EPB41L5: variants seen among roughly 807,000 people sequenced by gnomAD.
The protein encoded by EPB41L5 is band 4.1-like protein 5.
EPB41L5 carries 55 observed loss-of-function variants against 106.6 expected under a neutral mutation model. That is an observed-to-expected ratio of 0.52 (90% CI 0.42 to 0.65). The LOEUF (loss-of-function observed/expected upper bound fraction) is 0.65. Among genes scored for constraint, EPB41L5 ranks in the 30% least tolerant of loss-of-function variants. EPB41L5 has a pLI of 0.00. For missense variants in EPB41L5, 871 were observed against 882.1 expected (o/e 0.99, Z 0.16); for synonymous variants, 297 against 306.7 (o/e 0.97, Z 0.33).
At chr2:120,155,840 A>G (rs1686877236) in intron 20 of EPB41L5, among the ~76,000 whole-genome samples, 1 of 151,178 alleles carries the variant, frequency 6.6e-6, no homozygotes. Context: ...GGCAGCCTCC[A>G]TGGGGCTTCC....
At chr2:120,081,048 A>G (rs1379729610) in intron 10 of EPB41L5, among the ~76,000 whole-genome samples, 1 of 150,966 alleles carries the variant, frequency 6.6e-6, no homozygotes, top group African/African-American at 2.4e-5. Flanking sequence ...CTTTTCTCTC[A>G]TTCTGTAGGT....
chr2:120,088,175 A>G (rs1470653963), intron 11 of EPB41L5, among the ~76,000 whole-genome samples: 1 of 152,092 alleles, frequency 6.6e-6, no homozygotes, highest in Non-Finnish European at 1.5e-5. Flanking sequence ...TTTTGAATCC[A>G]GTTCTTTCAT....
intron 4 of EPB41L5, 69 bp downstream of exon 4, chr2:120,073,289 T>G: frequency 7.8e-7 from 1 of 1,284,238 alleles, no homozygotes; most frequent in Non-Finnish European, 1.1e-6. Flanking sequence ...TGATTTCTAA[T>G]AGGATGTAAG....
At chr2:120,026,965 CATCATA>C (rs1415351840) in intron 2 of EPB41L5, among the ~76,000 whole-genome samples, 1 of 152,188 alleles carries the variant, frequency 6.6e-6, no homozygotes, top group Non-Finnish European at 1.5e-5. Context: ...AGAAGCTCAA[CATCATA>C]AGTCATCACA....
At chr2:120,050,759 C>T (rs1680196148) in intron 3 of EPB41L5, among the ~76,000 whole-genome samples, 1 of 152,220 alleles carries the variant, frequency 6.6e-6, no homozygotes, top group Non-Finnish European at 1.5e-5. Flanking sequence ...TTTGGCTTTT[C>T]TGCTCTGGTT....
chr2:120,160,926 T>C lies in EPB41L5; in HGVS notation c.1839T>C (p.Leu613=). 6.2e-7 allele frequency: 1 copy of C among 1,613,700 alleles called. No individual in the cohort carries two copies. The highest frequency in any genetic ancestry group is 8.5e-7 in the Non-Finnish European group (1 of 1,179,600). Residue 613 remains leucine (L), a synonymous_variant, in exon 21 of 25, where the codon CTT becomes CTC. Transcript: ENST00000263713. ...ENNVPLPKES[L]ETLMLITPAD... ...ATGTGCCCCTCCCCAAAGAGTCTCT[T>C]GAGACTCTGATGCTTATCACACCTG...
intron 16 of EPB41L5, among the ~76,000 whole-genome samples, chr2:120,126,405 T>C (rs1685461999): frequency 6.6e-6 from 1 of 152,186 alleles, no homozygotes; most frequent in Admixed American, 6.5e-5. Flanking sequence ...TTTTCTTCTA[T>C]ATTTGTTCTA....
intron 20 of EPB41L5, among the ~76,000 whole-genome samples, chr2:120,155,508 T>C (rs1449331436): frequency 1.3e-5 from 2 of 152,198 alleles, no homozygotes; most frequent in African/African-American, 2.4e-5. Context: ...GTGGAGTTCA[T>C]TGAGCTTCTT....
chr2:120,140,725 A>G (rs186677025), intron 18 of EPB41L5, among the ~76,000 whole-genome samples: 83 of 152,164 alleles, frequency 5.5e-4, no homozygotes, highest in South Asian at 2.1e-4. Context: ...AAAATACAAA[A>G]TCTGAAATAC....
chr2:120,091,769 C>G (rs1683427726), intron 13 of EPB41L5, 108 bp downstream of exon 13: 8 of 784,858 alleles, frequency 1.0e-5, no homozygotes, highest in South Asian at 1.9e-5. Context: ...CAGGTCTGTT[C>G]CAGTCAACTA....
At chr2:120,110,941 C>A (rs1470671188) in intron 16 of EPB41L5, among the ~76,000 whole-genome samples, 2 of 152,086 alleles carry the variant, frequency 1.3e-5, no homozygotes, top group Admixed American at 6.5e-5. Flanking sequence ...CGCTCCTGGC[C>A]CCCTGTTGTT....
intron 3 of EPB41L5, among the ~76,000 whole-genome samples, chr2:120,053,969 G>T (rs1680457731): frequency 6.6e-6 from 1 of 152,156 alleles, no homozygotes; most frequent in Non-Finnish European, 1.5e-5. Flanking sequence ...GCTCAGGTAG[G>T]AGGATTGCTT....
intron 16 of EPB41L5, chr2:120,106,936 G>C (rs1436796624): frequency 1.1e-6 from 1 of 931,858 alleles, no homozygotes; most frequent in East Asian, 1.2e-4. Flanking sequence ...TAATATGTCT[G>C]TTTTGAAAAG....
At chr2:120,039,432 T>C (rs965286938) in intron 2 of EPB41L5, among the ~76,000 whole-genome samples, 2 of 152,042 alleles carry the variant, frequency 1.3e-5, no homozygotes, top group Admixed American at 1.3e-4. Context: ...AAATGGCAAA[T>C]TGTGTTATAC....
Position 120,077,280 on chromosome 2 carries a change from G to A in EPB41L5, c.678G>A (p.Trp226Ter). Residue 226 changes from tryptophan (W) to a stop codon, truncating the protein, a stop_gained, in exon 9 of 25, where the codon TGG becomes TGA. Transcript: ENST00000263713. LOFTEE classifies it high-confidence loss of function. ...AETNYLNKAK[W>*]LEMYGVDMHV... is the part of the protein sequence containing the mutation. ...CCAATTATCTGAATAAAGCCAAATGGCTAGAAATGTATGGGGTTGATATGC... is the reference window on the plus strand; with the variant it reads ...CCAATTATCTGAATAAAGCCAAATGACTAGAAATGTATGGGGTTGATATGC... The A allele has an allele frequency of 6.2e-7, 1 of 1,612,126 alleles. No homozygotes were observed. The highest frequency in any genetic ancestry group is 8.5e-7 in the Non-Finnish European group (1 of 1,178,778).
At chr2:120,105,975 C>CT in intron 16 of EPB41L5, 1 of 985,344 alleles carries the variant, frequency 1.0e-6, no homozygotes, top group Non-Finnish European at 1.2e-6. Context: ...TAAGATTTGA[C>CT]TTCACTCACT....
chr2:120,137,757 T>C (rs1685990666), intron 18 of EPB41L5, among the ~76,000 whole-genome samples: 1 of 152,124 alleles, frequency 6.6e-6, no homozygotes, highest in Non-Finnish European at 1.5e-5. Context: ...GCTTCACTGC[T>C]GAATTTTACC....
chr2:120,088,572 T>C (rs551835139), intron 11 of EPB41L5, among the ~76,000 whole-genome samples: 113 of 152,280 alleles, frequency 7.4e-4, no homozygotes, highest in Admixed American at 4.5e-3. Flanking sequence ...AACCTTCTCT[T>C]GTACCCCAAA....
Position 120,143,113 on chromosome 2 carries a change from A to G in EPB41L5, c.1710A>G (p.Gln570=), listed in dbSNP as rs1023523845. ...TCAAGAGTAACATTTTGAAGGCTCAAGTAGAAGCAGTGCATAAGGTAAGCT... is the reference window on the plus strand; with the variant it reads ...TCAAGAGTAACATTTTGAAGGCTCAGGTAGAAGCAGTGCATAAGGTAAGCT... The part of the protein sequence containing the change: ...PDFKSNILKA[Q]VEAVHKVTKE... Residue 570 remains glutamine (Q), a synonymous_variant, in exon 19 of 25, where the codon CAA becomes CAG. Coordinates refer to ENST00000263713, the MANE Select transcript of EPB41L5 (RefSeq NM_020909.4). 1.2e-6 allele frequency: 2 copies of G among 1,604,062 alleles called. No homozygotes were observed. Among genetic ancestry groups the G allele is most frequent in the African/African-American group, 1.3e-5 (1 of 74,216 alleles).
Sources: allele counts gnomAD v4.1 joint callset (sites outside exome capture counted in the v4.1 genomes callset), GRCh38; gene constraint gnomAD v4.1.1; transcripts MANE v1.5; gene names NCBI Gene and HGNC (gene_info 2026-07-23, HGNC 2026-07-21).